The following VTI1A variants were observed in gnomAD, a reference collection of about 807,000 sequenced individuals.
The protein encoded by VTI1A is vesicle transport through interaction with t-SNAREs homolog 1A.
Under a neutral mutation model 34.9 loss-of-function variants are expected in VTI1A, and 22 were observed. The observed-to-expected ratio is 0.63, with a 90% CI of 0.45 to 0.90. The LOEUF (loss-of-function observed/expected upper bound fraction) is 0.90. Ranked by LOEUF, VTI1A falls within the 40% of genes least tolerant of loss-of-function variation. The probability of loss-of-function intolerance (pLI) is 0.00; values close to 1 mark genes in which losing one functional copy is unlikely to be tolerated. For missense variants in VTI1A, 268 were observed against 275.6 expected (o/e 0.97, Z 0.20); for synonymous variants, 87 against 97.3 (o/e 0.89, Z 0.62).
chr10:112,541,641 C>G (rs1850874399), intron 5 of VTI1A, among the ~76,000 whole-genome samples: 1 of 152,168 alleles, frequency 6.6e-6, no homozygotes, highest in South Asian at 2.1e-4. Flanking sequence ...ATAGGGTCTT[C>G]TTAATAAATA....
chr10:112,506,215 G>GT (rs2134167224), intron 3 of VTI1A, among the ~76,000 whole-genome samples: 1 of 152,226 alleles, frequency 6.6e-6, no homozygotes. Flanking sequence ...ACAATGATAC[G>GT]TATTTGTGTA....
chr10:112,592,673 G>A (rs1462844986), intron 5 of VTI1A, among the ~76,000 whole-genome samples: 1 of 152,200 alleles, frequency 6.6e-6, no homozygotes, highest in Non-Finnish European at 1.5e-5. Flanking sequence ...TTCTATAAAT[G>A]TTGCATTTGG....
At chr10:112,523,187 A>G (rs546279721) in intron 3 of VTI1A, among the ~76,000 whole-genome samples, 2 of 152,278 alleles carry the variant, frequency 1.3e-5, no homozygotes, top group East Asian at 3.9e-4. Context: ...TGGGTCAAGT[A>G]GAAAGATTGT....
chr10:112,831,251 GT>G, the VTI1A span: 1 of 152,162 alleles, frequency 6.6e-6, no homozygotes, highest in Non-Finnish European at 1.5e-5. Context: ...CCACCAGCAA[GT>G]TCTCTGTTAA....
chr10:112,789,742 T>A (rs1852399805), intron 7 of VTI1A, among the ~76,000 whole-genome samples: 1 of 152,176 alleles, frequency 6.6e-6, no homozygotes, highest in African/African-American at 2.4e-5. Context: ...TTTTTTATAA[T>A]TTCTCTTTCT....
intron 5 of VTI1A, among the ~76,000 whole-genome samples, chr10:112,579,903 A>G (rs1332888229): frequency 6.6e-6 from 1 of 152,210 alleles, no homozygotes; most frequent in African/African-American, 2.4e-5. Context: ...GAAGACCCAG[A>G]GAGTATTCAA....
chr10:112,522,100 A>G (rs1024364954), intron 3 of VTI1A, among the ~76,000 whole-genome samples: 4 of 152,118 alleles, frequency 2.6e-5, no homozygotes, highest in Non-Finnish European at 4.4e-5. Flanking sequence ...ATGACTAACT[A>G]ATCAATATAA....
rs372099418 is a variant in VTI1A, at chr10:112,818,721, C to T, written c.*3338C>T. 1.9e-4 allele frequency: 37 copies of T among 197,840 alleles called. No individual in the cohort carries two copies. Among genetic ancestry groups the T allele is most frequent in the Middle Eastern group, 1.7e-3 (1 of 580 alleles). 12.3% of individuals were successfully genotyped at this position (197,840 alleles called of 1,614,324 possible). ...CACCATTACGTTCATTAACAAATTG[C>T]ATTAAACAACTGTTAAGGGCTAATG... On this transcript the variant is annotated 3_prime_UTR_variant, in exon 8 of 8. Coordinates refer to ENST00000393077, the MANE Select transcript of VTI1A (RefSeq NM_145206.4).
chr10:112,560,594 G>A (rs1851692012), intron 5 of VTI1A, among the ~76,000 whole-genome samples: 1 of 145,998 alleles, frequency 6.8e-6, no homozygotes, highest in Admixed American at 6.8e-5. Context: ...GCAAATAGAA[G>A]TGCTTTTTTT....
At chr10:112,564,345 T>C (rs901755286) in intron 5 of VTI1A, among the ~76,000 whole-genome samples, 3 of 151,768 alleles carry the variant, frequency 2.0e-5, no homozygotes, top group African/African-American at 7.3e-5. Context: ...CAAACAGAAA[T>C]AATTTTCCGT....
intron 3 of VTI1A, among the ~76,000 whole-genome samples, chr10:112,490,409 A>G (rs896793633): frequency 2.0e-5 from 3 of 152,182 alleles, no homozygotes; most frequent in Non-Finnish European, 4.4e-5. Flanking sequence ...TCAATCTTCT[A>G]AACTTTGTAT....
At chr10:112,673,446 A>T (rs1590054480) in intron 7 of VTI1A, among the ~76,000 whole-genome samples, 2 of 140,380 alleles carry the variant, frequency 1.4e-5, no homozygotes, top group South Asian at 4.9e-4. Flanking sequence ...GCCCCCATTC[A>T]CACACATGCG....
chr10:112,448,198 G>A (rs569232761), intron 1 of VTI1A, among the ~76,000 whole-genome samples: 1 of 152,236 alleles, frequency 6.6e-6, no homozygotes, highest in African/African-American at 2.4e-5. Context: ...GTTGTTAGTT[G>A]CTGTATTAGC....
intron 7 of VTI1A, among the ~76,000 whole-genome samples, chr10:112,782,681 G>C (rs549646962): frequency 6.6e-6 from 1 of 152,084 alleles, no homozygotes; most frequent in Non-Finnish European, 1.5e-5. Context: ...ACTTCTCATC[G>C]GACACAGCAT....
At chr10:112,719,417 T>C (rs1849717371) in intron 7 of VTI1A, among the ~76,000 whole-genome samples, 1 of 152,254 alleles carries the variant, frequency 6.6e-6, no homozygotes, top group Admixed American at 6.5e-5. Flanking sequence ...TATGTGCTTC[T>C]ATTGTTTTTT....
At chr10:112,735,139 C>CT (rs1850407800) in intron 7 of VTI1A, among the ~76,000 whole-genome samples, 1 of 152,086 alleles carries the variant, frequency 6.6e-6, no homozygotes, top group Non-Finnish European at 1.5e-5. Context: ...TGCAACTTTG[C>CT]TTTTTTTCCC....
chr10:112,831,147 T>G, the VTI1A span: 2 of 152,136 alleles, frequency 1.3e-5, no homozygotes, highest in East Asian at 3.9e-4. Flanking sequence ...GGGTGGCACA[T>G]AGTGAGTTCT....
intron 1 of VTI1A, among the ~76,000 whole-genome samples, chr10:112,458,653 T>C (rs891186246): frequency 8.0e-5 from 12 of 149,958 alleles, no homozygotes; most frequent in Non-Finnish European, 1.6e-4. Flanking sequence ...TATATTTTTA[T>C]TTTTATTTTT....
intron 5 of VTI1A, among the ~76,000 whole-genome samples, chr10:112,565,454 A>G (rs1487683582): frequency 6.6e-6 from 1 of 152,158 alleles, no homozygotes; most frequent in Non-Finnish European, 1.5e-5. Flanking sequence ...CATTTTATTT[A>G]TATTTACTTT....
Sources: allele counts gnomAD v4.1 joint callset (sites outside exome capture counted in the v4.1 genomes callset), GRCh38; gene constraint gnomAD v4.1.1; transcripts MANE v1.5; gene names NCBI Gene and HGNC (gene_info 2026-07-23, HGNC 2026-07-21).